The following LRIG1 variants were observed in gnomAD, a reference collection of about 807,000 sequenced individuals.
The protein encoded by LRIG1 is leucine-rich repeats and immunoglobulin-like domains protein 1.
Under a neutral mutation model 99.2 loss-of-function variants are expected in LRIG1, and 48 were observed. The ratio of observed to expected loss-of-function variants is 0.48; its 90% CI spans 0.38 to 0.62. The LOEUF (loss-of-function observed/expected upper bound fraction) is 0.62. Among genes scored for constraint, LRIG1 ranks in the 20% least tolerant of loss-of-function variants. LRIG1 has a pLI of 0.00. For missense variants in LRIG1, 1,646 were observed against 1,434.4 expected (o/e 1.15, Z -2.38); for synonymous variants, 772 against 596.1 (o/e 1.29, Z -4.30).
chr3:66,480,221 T>C (rs550035358), intron 1 of LRIG1, among the ~76,000 whole-genome samples: 31 of 152,288 alleles, frequency 2.0e-4, no homozygotes, highest in African/African-American at 7.5e-4. Context: ...GGGCCATATA[T>C]TGCATGATTC....
In LRIG1 at chr3:66,379,417, CACCAGCAGCCTTT is replaced by C. The variant is rs1303156522; in HGVS notation, c.*833_*845del. 1.3e-5 allele frequency: 2 copies of C among 152,324 alleles called. No individual in the cohort carries two copies. Among genetic ancestry groups the C allele is most frequent in the East Asian group, 3.9e-4 (2 of 5,194 alleles). 9.4% of individuals were successfully genotyped at this position (152,324 alleles called of 1,614,324 possible). A position where few individuals can be genotyped will look rare whatever the true frequency, so the allele number is the denominator to read the frequency against. ...GTATAGAAAAATCCACAGGTACCAA[CACCAGCAGCCTTT>C]ACCTTAATTTAAAAGTCTCAAATAG... On this transcript the variant is annotated 3_prime_UTR_variant, in exon 19 of 19. Transcript: ENST00000273261.
intron 6 of LRIG1, among the ~76,000 whole-genome samples, chr3:66,411,639 A>C (rs951572661): frequency 6.6e-6 from 1 of 152,222 alleles, no homozygotes; most frequent in African/African-American, 2.4e-5. Context: ...TCAGAGTGAC[A>C]CAGCACAACA....
intron 3 of LRIG1, among the ~76,000 whole-genome samples, chr3:66,441,369 G>A (rs546587827): frequency 1.3e-5 from 2 of 152,282 alleles, no homozygotes; most frequent in East Asian, 3.9e-4. Flanking sequence ...TGGCACAATC[G>A]AACACGTTTG....
At chr3:66,393,279 G>A (rs1351184481) in intron 12 of LRIG1, among the ~76,000 whole-genome samples, 1 of 152,200 alleles carries the variant, frequency 6.6e-6, no homozygotes, top group Admixed American at 6.5e-5. Flanking sequence ...CTTAACACCT[G>A]CCCAGCAGTT....
intron 1 of LRIG1, among the ~76,000 whole-genome samples, chr3:66,476,564 T>C (rs571549427): frequency 6.6e-6 from 1 of 152,250 alleles, no homozygotes; most frequent in African/African-American, 2.4e-5. Context: ...ATCCCCTTTT[T>C]CCAAGATGCC....
chr3:66,429,168 G>A (rs1477364740), intron 3 of LRIG1, among the ~76,000 whole-genome samples: 1 of 152,166 alleles, frequency 6.6e-6, no homozygotes, highest in Non-Finnish European at 1.5e-5. Context: ...ACGACCCAAT[G>A]TCCCATCCCC....
At position 66,405,056 on chromosome 3, in the gene LRIG1, A is replaced by G. The variant is rs1240204452; in HGVS notation, c.1160+142T>C. The G allele has an allele frequency of 4.3e-6, 3 of 691,460 alleles. No individual in the cohort carries two copies. The African/African-American group carries it at 5.3e-5, about 12-fold the overall frequency. 42.8% of individuals were successfully genotyped at this position (691,460 alleles called of 1,614,324 possible). A position where few individuals can be genotyped will look rare whatever the true frequency, so the allele number is the denominator to read the frequency against. On this transcript the variant is annotated intron_variant, in intron 9 of 18. Transcript: ENST00000273261. ...TCTTCAAACTCTTCTCCACAAACAAAACAAGCTCTGCCCCAAACAAAAGCC... is the reference window on the plus strand; with the variant it reads ...TCTTCAAACTCTTCTCCACAAACAAGACAAGCTCTGCCCCAAACAAAAGCC...
At position 66,384,100 on chromosome 3, in the gene LRIG1, G is replaced by C. The variant is rs771674613; in HGVS notation, c.1962C>G (p.Asp654Glu). The change falls in exon 14 of 19, where the codon GAC (aspartate) becomes GAG (glutamate). Residue 654 changes from aspartate to glutamate, a missense_variant. Asp to Glu is a conservative substitution (Grantham distance 45, BLOSUM62 2). Coordinates refer to ENST00000273261, the MANE Select transcript of LRIG1 (RefSeq NM_015541.3). ...RERRMHVMPDDDVFFITDVKI... is the reference protein window; with the variant it reads ...RERRMHVMPDEDVFFITDVKI... ...TCACATCAGTGATGAAAAACACGTC[G>C]TCATCCGGCATGACATGCATGCGTC... 2 of 1,614,150 alleles carry C rather than the reference G, an allele frequency of 1.2e-6. No homozygotes were observed. Among genetic ancestry groups the C allele is most frequent in the East Asian group, 2.2e-5 (1 of 44,870 alleles).
At chr3:66,384,597 T>C (rs1391635226) in intron 13 of LRIG1, among the ~76,000 whole-genome samples, 1 of 151,956 alleles carries the variant, frequency 6.6e-6, no homozygotes, top group Non-Finnish European at 1.5e-5. Flanking sequence ...GGCCTGATGC[T>C]TGCCTGCTTT....
chr3:66,386,339 T>A, intron 12 of LRIG1, 38 bp from the exon 13 acceptor site: 2 of 1,562,422 alleles, frequency 1.3e-6, no homozygotes, highest in South Asian at 2.3e-5. Context: ...CGCTGGGTTC[T>A]TGGTACACAG....
At chr3:66,462,048 A>C (rs1016730208) in intron 2 of LRIG1, among the ~76,000 whole-genome samples, 3 of 152,230 alleles carry the variant, frequency 2.0e-5, no homozygotes, top group Non-Finnish European at 4.4e-5. Context: ...GTTCGAGACC[A>C]GCCTGGCCAA....
chr3:66,449,591 C>G (rs900530664), intron 3 of LRIG1, among the ~76,000 whole-genome samples: 1 of 152,166 alleles, frequency 6.6e-6, no homozygotes, highest in Non-Finnish European at 1.5e-5. Flanking sequence ...GCCACAGGCC[C>G]GTGGGGCAAA....
rs770506353 is a variant in LRIG1 at position 66,380,327 on chromosome 3, G to A, written c.3218C>T (p.Thr1073Met). Residue 1073 changes from threonine (T) to methionine (M), a missense_variant, in exon 19 of 19, where the codon ACG (threonine) becomes ATG (methionine). Transcript: ENST00000273261. ...PKACDASPESTPLTGQLPGKQ... is the reference protein window; with the variant it reads ...PKACDASPESMPLTGQLPGKQ... ...CCCGGGGAGCTGTCCTGTCAGTGGC[G>A]TGGACTCGGGACTGGCGTCACATGC... 4.5e-5 allele frequency: 73 copies of A among 1,614,068 alleles called. No homozygotes were observed. The highest frequency in any genetic ancestry group is 2.7e-4 in the Admixed American group (16 of 60,004).
chr3:66,491,588 T>G lies in LRIG1; in HGVS notation c.218+8602A>C, dbSNP rs527683099. 2.6e-5 allele frequency among the ~76,000 whole-genome samples: 4 copies of G among 152,320 alleles called. No individual in the cohort carries two copies. The South Asian group carries it at 8.3e-4, about 32-fold the overall frequency. On this transcript the variant is annotated intron_variant, in intron 1 of 18. Transcript: ENST00000273261. ...TTTGGAAAAACACAGTTAAAATGAATGTCAATTTTTTCAAAACTTCCAATT... is the reference window on the plus strand; with the variant it reads ...TTTGGAAAAACACAGTTAAAATGAAGGTCAATTTTTTCAAAACTTCCAATT...
intron 3 of LRIG1, among the ~76,000 whole-genome samples, chr3:66,423,997 T>C (rs1702898150): frequency 6.6e-6 from 1 of 152,222 alleles, no homozygotes; most frequent in Admixed American, 6.5e-5. Context: ...TCTTGTCTAC[T>C]CTTCTGACAT....
At chr3:66,476,964 C>A (rs538000170) in intron 1 of LRIG1, among the ~76,000 whole-genome samples, 245 of 152,322 alleles carry the variant, frequency 1.6e-3, no homozygotes, top group Non-Finnish European at 2.1e-3. Context: ...ACGCACGACA[C>A]ACATGTGGTC....
intron 3 of LRIG1, among the ~76,000 whole-genome samples, chr3:66,442,927 T>C (rs1166552272): frequency 1.3e-5 from 2 of 152,128 alleles, no homozygotes; most frequent in South Asian, 2.1e-4. Flanking sequence ...CTTGCAGATG[T>C]ACCTCTCATC....
intron 1 of LRIG1, among the ~76,000 whole-genome samples, chr3:66,464,631 T>C (rs540506201): frequency 2.0e-5 from 3 of 152,256 alleles, no homozygotes; most frequent in African/African-American, 4.8e-5. Context: ...AGGGAACATA[T>C]GTTTCTGGCT....
rs778068167 is a variant in LRIG1, at chr3:66,394,088, G to A, written c.1420C>T (p.Leu474=). The A allele has an allele frequency of 6.2e-7, 1 of 1,613,998 alleles. No individual in the cohort carries two copies. The highest frequency in any genetic ancestry group is 1.3e-5 in the African/African-American group (1 of 74,952). Residue 474 remains leucine (L), a synonymous_variant, in exon 12 of 19, where the codon CTG becomes TTG. Transcript: ENST00000273261. ...ACAGAGAAAATGCTCTGACCCTTCA[G>A]TGATTCTGGGTGGGCACAGGTGGCT... ...VTATCAHPES[L]KGQSIFSVPP...
Sources: allele counts gnomAD v4.1 joint callset (sites outside exome capture counted in the v4.1 genomes callset), GRCh38; gene constraint gnomAD v4.1.1; transcripts MANE v1.5; gene names NCBI Gene and HGNC (gene_info 2026-07-23, HGNC 2026-07-21).